The following EXOC4 variants were observed in gnomAD, a reference collection of about 807,000 sequenced individuals.
EXOC4 encodes SEC8-like 1.
Under a neutral mutation model 107.2 loss-of-function variants are expected in EXOC4, and 71 were observed. The ratio of observed to expected loss-of-function variants is 0.66; its 90% CI spans 0.55 to 0.81. EXOC4 has a LOEUF of 0.81. Among genes scored for constraint, EXOC4 ranks in the 30% least tolerant of loss-of-function variants. The pLI is 0.00. For missense variants in EXOC4, 1,108 were observed against 1,189.6 expected (o/e 0.93, Z 1.01); for synonymous variants, 456 against 441.2 (o/e 1.03, Z -0.42).
intron 17 of EXOC4, among the ~76,000 whole-genome samples, chr7:134,037,731 C>T (rs1795424178): frequency 6.6e-6 from 1 of 152,318 alleles, no homozygotes; most frequent in East Asian, 1.9e-4. Context: ...TCTGAATCCC[C>T]TTCGAGCAAT....
intron 11 of EXOC4, among the ~76,000 whole-genome samples, chr7:133,861,522 G>GT (rs927754161): frequency 1.3e-5 from 2 of 151,528 alleles, no homozygotes; most frequent in Non-Finnish European, 2.9e-5. Context: ...GGAATCCACT[G>GT]TTTTTTTGTT....
intron 10 of EXOC4, among the ~76,000 whole-genome samples, chr7:133,721,875 A>G (rs987407163): frequency 3.3e-5 from 5 of 152,164 alleles, no homozygotes; most frequent in Non-Finnish European, 7.3e-5. Flanking sequence ...GAGTAATAAA[A>G]TATCCTTGTC....
At chr7:133,316,973 T>C (rs1235660139) in intron 4 of EXOC4, among the ~76,000 whole-genome samples, 2 of 152,226 alleles carry the variant, frequency 1.3e-5, no homozygotes, top group Non-Finnish European at 2.9e-5. Flanking sequence ...GGCATAGTGT[T>C]ATTACAAGGT....
chr7:133,544,066 AT>A (rs1239037341), intron 9 of EXOC4, among the ~76,000 whole-genome samples: 4 of 152,132 alleles, frequency 2.6e-5, no homozygotes, highest in African/African-American at 9.6e-5. Flanking sequence ...ACATACATAT[AT>A]TTTTTGCCTT....
chr7:133,812,594 C>A (rs1009491260), intron 10 of EXOC4, among the ~76,000 whole-genome samples: 3 of 149,230 alleles, frequency 2.0e-5, no homozygotes, highest in African/African-American at 5.0e-5. Context: ...AATGTAACTA[C>A]TTTTTTTCAT....
chr7:133,700,605 T>C (rs1381094375), intron 10 of EXOC4, among the ~76,000 whole-genome samples: 1 of 152,190 alleles, frequency 6.6e-6, no homozygotes, highest in Non-Finnish European at 1.5e-5. Context: ...CTTGTAGTCA[T>C]TGTTTTGCTA....
intron 11 of EXOC4, among the ~76,000 whole-genome samples, chr7:133,841,435 G>C (rs1205510335): frequency 6.6e-6 from 1 of 152,166 alleles, no homozygotes; most frequent in Non-Finnish European, 1.5e-5. Context: ...TTAATTTGTT[G>C]ACTAGGAAGA....
intron 14 of EXOC4, among the ~76,000 whole-genome samples, chr7:133,959,046 C>T (rs1172103434): frequency 6.6e-6 from 1 of 152,088 alleles, no homozygotes; most frequent in African/African-American, 2.4e-5. Context: ...TAGACACTAA[C>T]ATCAGTGGTT....
At chr7:133,924,980 G>T (rs189865028) in intron 13 of EXOC4, among the ~76,000 whole-genome samples, 2 of 152,166 alleles carry the variant, frequency 1.3e-5, no homozygotes, top group Admixed American at 6.5e-5. Context: ...ATTAGAAGTC[G>T]AAAGCAAAGT....
chr7:133,714,777 G>T (rs1342418287), intron 10 of EXOC4, among the ~76,000 whole-genome samples: 1 of 152,162 alleles, frequency 6.6e-6, no homozygotes, highest in African/African-American at 2.4e-5. Flanking sequence ...GCATCCATGG[G>T]CAGTGGGCTG....
intron 17 of EXOC4, among the ~76,000 whole-genome samples, chr7:134,055,343 C>T (rs957973027): frequency 1.1e-4 from 17 of 152,176 alleles, no homozygotes; most frequent in African/African-American, 3.4e-4. Context: ...AGTGAACTCT[C>T]CATTCAGCCT....
intron 10 of EXOC4, among the ~76,000 whole-genome samples, chr7:133,693,362 C>T (rs1794461772): frequency 6.6e-6 from 1 of 152,176 alleles, no homozygotes; most frequent in Non-Finnish European, 1.5e-5. Context: ...ATTCTTCCAC[C>T]TTCCTCTGCC....
At chr7:133,333,880 A>G (rs1795449471) in intron 5 of EXOC4, among the ~76,000 whole-genome samples, 1 of 152,234 alleles carries the variant, frequency 6.6e-6, no homozygotes, top group Non-Finnish European at 1.5e-5. Flanking sequence ...ACAATTGCTA[A>G]CCAATGAAAA....
chr7:133,898,055 T>C (rs538347796), intron 12 of EXOC4, among the ~76,000 whole-genome samples: 3 of 104,900 alleles, frequency 2.9e-5, no homozygotes, highest in Non-Finnish European at 5.2e-5. Flanking sequence ...TGTTCTACCC[T>C]CTACTTCTAT....
chr7:133,782,179 T>A (rs1796482096), intron 10 of EXOC4, among the ~76,000 whole-genome samples: 1 of 152,124 alleles, frequency 6.6e-6, no homozygotes, highest in South Asian at 2.1e-4. Context: ...AATCCAGACA[T>A]TGGTAGTTAT....
chr7:133,857,111 T>C (rs1268279968), intron 11 of EXOC4, among the ~76,000 whole-genome samples: 1 of 100,184 alleles, frequency 1.0e-5, no homozygotes, highest in African/African-American at 4.3e-5. Flanking sequence ...TATATATATA[T>C]GTGTATATAT....
At chr7:133,994,815 A>G (rs1355798627) in intron 14 of EXOC4, among the ~76,000 whole-genome samples, 1 of 151,708 alleles carries the variant, frequency 6.6e-6, no homozygotes, top group Non-Finnish European at 1.5e-5. Context: ...CCTTAACTGT[A>G]ACCTCCCAAG....
At chr7:133,772,870 A>G (rs1049402629) in intron 10 of EXOC4, among the ~76,000 whole-genome samples, 1 of 152,028 alleles carries the variant, frequency 6.6e-6, no homozygotes, top group African/African-American at 2.4e-5. Flanking sequence ...AGCACTACCT[A>G]GTGACATTAC....
At chr7:133,883,486 A>C (rs1480244872) in intron 11 of EXOC4, among the ~76,000 whole-genome samples, 1 of 151,714 alleles carries the variant, frequency 6.6e-6, no homozygotes, top group Non-Finnish European at 1.5e-5. Flanking sequence ...ACCAAAAAAA[A>C]AAAAAAAATA....
Sources: gnomAD v4.1 joint callset for allele counts (sites outside exome capture counted in the v4.1 genomes callset) on GRCh38, gnomAD v4.1.1 for gene constraint, MANE v1.5 for transcripts, NCBI Gene and HGNC (gene_info 2026-07-23, HGNC 2026-07-21) for gene names.